The following CUL4A variants were observed in gnomAD, a reference collection of about 807,000 sequenced individuals.
The protein encoded by CUL4A is cullin-4A.
CUL4A carries 16 observed loss-of-function variants against 95.5 expected under a neutral mutation model. The observed-to-expected ratio is 0.17, with a 90% CI of 0.11 to 0.25. The LOEUF (loss-of-function observed/expected upper bound fraction) is 0.25. Among genes scored for constraint, CUL4A ranks in the 10% least tolerant of loss-of-function variants. The probability of loss-of-function intolerance (pLI) is 1.00; values close to 1 mark genes in which losing one functional copy is unlikely to be tolerated. For missense variants in CUL4A, 610 were observed against 937.0 expected (o/e 0.65, Z 4.56); for synonymous variants, 380 against 353.1 (o/e 1.08, Z -0.85).
At chr13:113,246,097 C>G in intron 15 of CUL4A, 34 bp downstream of exon 15, 1 of 1,486,398 alleles carries the variant, frequency 6.7e-7, no homozygotes, top group Non-Finnish European at 9.3e-7. Context: ...TCCGCTCCCG[C>G]TGTCATGCCC....
At position 113,244,908 on chromosome 13, in the gene CUL4A, A is replaced by G. The variant is rs201312800; in HGVS notation, c.1334-41A>G. 6 of 1,288,778 alleles carry G rather than the reference A, an allele frequency of 4.7e-6. No individual in the cohort carries two copies. In the East Asian group the frequency reaches 6.9e-5, roughly 15 times the overall value. The allele number at this position is 1,288,778 out of a possible 1,614,324, so 79.8% of individuals were successfully genotyped here. ...TTTGAAGTTTAACATTTGCTTATCA[A>G]CTCTCTGATGTCTTGATTATTCTCG... On this transcript the variant is annotated intron_variant, in intron 12 of 19. Coordinates refer to ENST00000375440, the MANE Select transcript of CUL4A (RefSeq NM_001008895.4).
intron 15 of CUL4A, among the ~76,000 whole-genome samples, chr13:113,247,400 C>T (rs572648125): frequency 6.6e-6 from 1 of 152,300 alleles, no homozygotes; most frequent in South Asian, 2.1e-4. Flanking sequence ...GTTCTTTCCT[C>T]CCAGGTGTAG....
chr13:113,233,364 AC>A (rs752033683), intron 6 of CUL4A, 25 bp downstream of exon 6: 1 of 1,598,222 alleles, frequency 6.3e-7, no homozygotes, highest in African/African-American at 1.3e-5. Context: ...TGCGGAAGAT[AC>A]CTGGGTACCT....
chr13:113,220,427 G>A (rs2040854072), intron 3 of CUL4A, among the ~76,000 whole-genome samples: 1 of 152,254 alleles, frequency 6.6e-6, no homozygotes, highest in African/African-American at 2.4e-5. Context: ...TGGCCAAAGT[G>A]CACCTTATCT....
At chr13:113,226,637 G>A (rs1005874961) in intron 3 of CUL4A, among the ~76,000 whole-genome samples, 2 of 152,148 alleles carry the variant, frequency 1.3e-5, no homozygotes, top group African/African-American at 4.8e-5. Flanking sequence ...AAGAGTCAAG[G>A]TAAGAGTGTT....
chr13:113,242,055 G>A (rs2041728592), intron 10 of CUL4A, among the ~76,000 whole-genome samples: 1 of 151,196 alleles, frequency 6.6e-6, no homozygotes, highest in South Asian at 2.1e-4. Context: ...AGTGGCTCAC[G>A]CTTGTAATCC....
At chr13:113,258,389 T>A (rs1004664403) in intron 18 of CUL4A, among the ~76,000 whole-genome samples, 9 of 152,336 alleles carry the variant, frequency 5.9e-5, no homozygotes, top group Middle Eastern at 3.4e-3. Context: ...AATAAGAACA[T>A]TGACATTTTT....
upstream of CUL4A, chr13:113,208,471 G>A: frequency 1.3e-6 from 2 of 1,531,572 alleles, no homozygotes; most frequent in Admixed American, 2.0e-5. Context: ...GCTGCCCGCC[G>A]GGGACCCGAA....
At chr13:113,256,925 C>CTTTT in intron 18 of CUL4A, among the ~76,000 whole-genome samples, 1 of 37,274 alleles carries the variant, frequency 2.7e-5, no homozygotes, top group Admixed American at 3.3e-4. Flanking sequence ...TTTTTTTTTT[C>CTTTT]GTTTTTTTTT....
rs1403281080 is a variant in CUL4A, at chr13:113,220,053, A to G, written c.368+1005A>G. Among the ~76,000 whole-genome samples the G allele has an allele frequency of 8.5e-5, 13 of 152,074 alleles. No homozygotes were observed. The East Asian group carries it at 2.3e-3, about 27-fold the overall frequency. ...TAGGCCTCCGTTTCTTCATGTGTAA[A>G]ATTAGGTGGTTTGTGTTTGCTTATT... On this transcript the variant is annotated intron_variant, in intron 3 of 19. Coordinates refer to ENST00000375440, the MANE Select transcript of CUL4A (RefSeq NM_001008895.4).
At chr13:113,209,895 C>T in intron 1 of CUL4A, 78 bp from the exon 2 acceptor site, 1 of 1,210,764 alleles carries the variant, frequency 8.3e-7, no homozygotes. Flanking sequence ...GGCGCCGGGG[C>T]GCCGGCCGGG....
chr13:113,222,380 C>A (rs1287159510), intron 3 of CUL4A, among the ~76,000 whole-genome samples: 1 of 143,368 alleles, frequency 7.0e-6, no homozygotes, highest in East Asian at 2.6e-4. Flanking sequence ...ATCCTGCCAG[C>A]AAACCTCTTA....
intron 9 of CUL4A, among the ~76,000 whole-genome samples, chr13:113,238,942 A>G (rs981959388): frequency 3.9e-5 from 6 of 152,270 alleles, no homozygotes; most frequent in African/African-American, 1.4e-4. Flanking sequence ...TTAAAAATCT[A>G]AAACACTGAA....
rs972687507 is a variant in CUL4A at position 113,209,928 on chromosome 13, C to A, written c.149-45C>A. The A allele has an allele frequency of 3.5e-6, 5 of 1,416,844 alleles. No individual in the cohort carries two copies. The South Asian group carries it at 7.0e-5, about 20-fold the overall frequency. 87.8% of individuals were successfully genotyped at this position (1,416,844 alleles called of 1,614,324 possible). On this transcript the variant is annotated intron_variant, in intron 1 of 19. Transcript: ENST00000375440. ...GGGTCGGGGGTGGCTACGCGGGGCG[C>A]TTCGCGGCGCGCCCTGAGCCGCCCG...
upstream of CUL4A, chr13:113,208,747 G>T: frequency 6.8e-7 from 1 of 1,478,120 alleles, no homozygotes; most frequent in East Asian, 2.6e-5. Context: ...CGCCGCGGGT[G>T]CGCAGGTTGG....
At chr13:113,246,897 AG>A (rs1198151676) in intron 15 of CUL4A, among the ~76,000 whole-genome samples, 8 of 152,202 alleles carry the variant, frequency 5.3e-5, no homozygotes, top group Non-Finnish European at 1.0e-4. Flanking sequence ...ATGTAGAAAT[AG>A]GTGTGTTAGT....
At chr13:113,254,285 C>T (rs1230145803) in intron 16 of CUL4A, among the ~76,000 whole-genome samples, 1 of 152,156 alleles carries the variant, frequency 6.6e-6, no homozygotes, top group African/African-American at 2.4e-5. Flanking sequence ...ATATATAAGG[C>T]CAAATTGCAT....
intron 2 of CUL4A, among the ~76,000 whole-genome samples, chr13:113,215,897 CT>C (rs2040665581): frequency 7.5e-6 from 1 of 134,004 alleles, no homozygotes; most frequent in African/African-American, 2.9e-5. Context: ...GCGTGTGTGA[CT>C]ATGGAGGTCT....
In CUL4A at chr13:113,265,824, A is replaced by G. The variant is rs1027864599; in HGVS notation, c.*2242A>G. On this transcript the variant is annotated 3_prime_UTR_variant, in exon 20 of 20. Transcript: ENST00000375440. ...AAGAAATCATTGAAAAAGAAACAGC[A>G]CTTAGACAGAAATGCTGTAAAAGTG... 2.0e-5 allele frequency: 3 copies of G among 152,274 alleles called. No individual in the cohort carries two copies. Among genetic ancestry groups the G allele is most frequent in the African/African-American group, 7.2e-5 (3 of 41,482 alleles). The allele number at this position is 152,274 out of a possible 1,614,324, so 9.4% of individuals were successfully genotyped here.
Sources: allele counts gnomAD v4.1 joint callset (sites outside exome capture counted in the v4.1 genomes callset), GRCh38; gene constraint gnomAD v4.1.1; transcripts MANE v1.5; gene names NCBI Gene and HGNC (gene_info 2026-07-23, HGNC 2026-07-21).